EPS8: variants seen among roughly 807,000 people sequenced by gnomAD.
The protein encoded by EPS8 is EGFR pathway substrate 8, signaling adaptor, also known as epidermal growth factor receptor kinase substrate 8.
Under a neutral mutation model 103.8 loss-of-function variants are expected in EPS8, and 42 were observed. The observed-to-expected ratio is 0.40, with a 90% CI of 0.32 to 0.52. The LOEUF (loss-of-function observed/expected upper bound fraction) is 0.52. EPS8 is among the 20% of genes least tolerant of loss of function. EPS8 has a pLI of 0.40. For synonymous variants in EPS8, 344 were observed against 344.6 expected, an observed-to-expected ratio of 1.00 and a Z score of 0.02; for missense variants, 969 against 1,005.1, an observed-to-expected ratio of 0.96 and a Z score of 0.49.
rs181832405 is a variant in EPS8, at chr12:15,774,512, T to C, written c.-22+14649A>G. 6.6e-5 allele frequency among the ~76,000 whole-genome samples: 10 copies of C among 151,156 alleles called. 1 individual carries two copies. The East Asian group carries it at 1.9e-3, about 29-fold the overall frequency. On this transcript the variant is annotated intron_variant, in intron 1 of 20. Coordinates refer to ENST00000281172, the MANE Select transcript of EPS8 (RefSeq NM_004447.6). Reference sequence around the variant, plus strand: ...CTCCCTGTTATCCTGTATTCTACAATGCTCAATAGGCAAGGTAAGGGAAAG... The same window carrying C: ...CTCCCTGTTATCCTGTATTCTACAACGCTCAATAGGCAAGGTAAGGGAAAG...
chr12:15,713,573 C>T lies in EPS8; in HGVS notation c.-21-30601G>A, dbSNP rs1179358229. 1.3e-5 allele frequency among the ~76,000 whole-genome samples: 2 copies of T among 152,132 alleles called. No homozygotes were observed. The highest frequency in any genetic ancestry group is 1.3e-4 in the Admixed American group (2 of 15,260). ...AGGAGAAAGAACAGAAGAAAGTGCT[C>T]CCTCAAGAGAGAAAGCACTCTGCTG... is the stretch of plus-strand genomic sequence containing the variant. On this transcript the variant is annotated intron_variant, in intron 1 of 20. Coordinates refer to ENST00000281172, the MANE Select transcript of EPS8 (RefSeq NM_004447.6). The surrounding 1 kb of genome is among the most constrained non-coding windows in gnomAD (Gnocchi z 4.8).
rs1309379037 is a variant in EPS8 at position 15,721,279 on chromosome 12, GC to G, written c.-21-38308del. Among the ~76,000 whole-genome samples the G allele has an allele frequency of 3.9e-5, 6 of 152,120 alleles. No homozygotes were observed. The highest frequency in any genetic ancestry group is 8.8e-5 in the Non-Finnish European group (6 of 68,026). ...CCATGTCTGTAATATACAGTCATAT[GC>G]CATTCCCCACTCACAAAAATAAACC... On this transcript the variant is annotated intron_variant, in intron 1 of 20. Coordinates refer to ENST00000281172, the MANE Select transcript of EPS8 (RefSeq NM_004447.6). This position sits in a 1 kb window ranked among gnomAD's most constrained non-coding sequence, Gnocchi z 4.4.
At chr12:15,665,715 AAAGT>A (rs1565488303) in intron 8 of EPS8, 37 bp downstream of exon 8, 1 of 1,609,084 alleles carries the variant, frequency 6.2e-7, no homozygotes, top group African/African-American at 1.3e-5. Context: ...GTCCCAACCC[AAAGT>A]AAGTGTTCAA....
At chr12:15,662,902 T>C (rs1489279167) in intron 8 of EPS8, among the ~76,000 whole-genome samples, 1 of 151,480 alleles carries the variant, frequency 6.6e-6, no homozygotes, top group East Asian at 1.9e-4. Context: ...TCGTGACTCA[T>C]GATGTTCAAT....
chr12:15,705,831 T>C (rs1946378918), intron 1 of EPS8, among the ~76,000 whole-genome samples: 1 of 152,174 alleles, frequency 6.6e-6, no homozygotes, highest in South Asian at 2.1e-4. Flanking sequence ...TAGCCAATAT[T>C]ACCCTTTTCG....
Position 15,640,817 on chromosome 12 carries a change from T to C in EPS8, c.1707A>G (p.Lys569=). 5 of 1,613,892 alleles carry C rather than the reference T, an allele frequency of 3.1e-6. No individual in the cohort carries two copies. The highest frequency in any genetic ancestry group is 4.2e-6 in the Non-Finnish European group (5 of 1,179,880). The change falls in exon 17 of 21, where the codon AAA becomes AAG. Residue 569 remains lysine (K), a synonymous_variant. Coordinates refer to ENST00000281172, the MANE Select transcript of EPS8 (RefSeq NM_004447.6). The stretch of plus-strand genomic sequence containing the variant: ...CAGAGTCTCCACTTGCATTTCGAAC[T>C]TTCCACCATTGCTTCCGATCATCAA... ...EILDDRKQWW[K]VRNASGDSGF...
intron 17 of EPS8, among the ~76,000 whole-genome samples, chr12:15,637,822 C>T (rs993290872): frequency 6.6e-6 from 1 of 152,186 alleles, no homozygotes; most frequent in African/African-American, 2.4e-5. Context: ...ATACAGCAAG[C>T]ATGCAGGAAG....
chr12:15,635,186 C>CA lies in EPS8; in HGVS notation c.1822-3523dup, dbSNP rs76761487. On this transcript the variant is annotated intron_variant, in intron 17 of 20. Transcript: ENST00000281172. The stretch of plus-strand genomic sequence containing the variant: ...GTGTGATTGTAATGAGCTTTAGTTT[C>CA]AAACTTTCTAAGCAGCCTGAACATA... Among the ~76,000 whole-genome samples, 217 of 152,196 alleles carry CA rather than the reference C, an allele frequency of 1.4e-3. 1 individual carries two copies. In the East Asian group the frequency reaches 0.039, roughly 27 times the overall value.
chr12:15,719,187 G>GTATATATAAACATACATATATATATA (rs1407709389), intron 1 of EPS8, among the ~76,000 whole-genome samples: 1 of 151,388 alleles, frequency 6.6e-6, no homozygotes. Context: ...TCATATATAT[G>GTATATATAAACATACATATATATATA]TATATATAAA....
intron 14 of EPS8, 108 bp downstream of exon 14, chr12:15,650,715 T>C: frequency 3.2e-6 from 3 of 939,834 alleles, no homozygotes; most frequent in Non-Finnish European, 4.8e-6. Context: ...AGACTTTGAT[T>C]CTAGAACAAT....
At position 15,759,741 on chromosome 12, in the gene EPS8, A is replaced by C. The variant is rs567235186; in HGVS notation, c.-22+29420T>G. 6.6e-6 allele frequency among the ~76,000 whole-genome samples: 1 copy of C among 152,214 alleles called. No individual in the cohort carries two copies. Among genetic ancestry groups the C allele is most frequent in the East Asian group, 1.9e-4 (1 of 5,192 alleles). On this transcript the variant is annotated intron_variant, in intron 1 of 20. Transcript: ENST00000281172. The surrounding 1 kb of genome is among the most constrained non-coding windows in gnomAD (Gnocchi z 4.9). ...CCACTGGGTCAATGAAGAAACTAAG[A>C]AGGAAATTGAAGAATTTCTTGAAAC...
At chr12:15,786,446 T>A (rs1414129114) in intron 1 of EPS8, among the ~76,000 whole-genome samples, 1 of 152,006 alleles carries the variant, frequency 6.6e-6, no homozygotes, top group African/African-American at 2.4e-5. Context: ...TTTAGTGGTG[T>A]CCTGGATGGT....
chr12:15,756,026 C>T (rs1946982903), intron 1 of EPS8, among the ~76,000 whole-genome samples: 1 of 152,168 alleles, frequency 6.6e-6, no homozygotes, highest in Non-Finnish European at 1.5e-5. Flanking sequence ...CACATCTTCC[C>T]TCTGTATAAA....
At chr12:15,627,284 A>C (rs993017087) in intron 18 of EPS8, among the ~76,000 whole-genome samples, 1 of 152,156 alleles carries the variant, frequency 6.6e-6, no homozygotes, top group Non-Finnish European at 1.5e-5. Flanking sequence ...GATTACAGGC[A>C]TGAGCCACCG....
chr12:15,702,886 C>T lies in EPS8; in HGVS notation c.-21-19914G>A, dbSNP rs1222267881. 2.0e-5 allele frequency among the ~76,000 whole-genome samples: 3 copies of T among 152,212 alleles called. No individual in the cohort carries two copies. Among genetic ancestry groups the T allele is most frequent in the African/African-American group, 7.2e-5 (3 of 41,450 alleles). ...TCATTCGAGGCTGGGCGCGGTGGCT[C>T]AGGCCTTTAATCCCAGCACTTTGGG... On this transcript the variant is annotated intron_variant, in intron 1 of 20. Coordinates refer to ENST00000281172, the MANE Select transcript of EPS8 (RefSeq NM_004447.6). This position sits in a 1 kb window ranked among gnomAD's most constrained non-coding sequence, Gnocchi z 5.1.
chr12:15,688,924 T>C lies in EPS8; in HGVS notation c.-21-5952A>G, dbSNP rs1420334208. Among the ~76,000 whole-genome samples the C allele has an allele frequency of 6.6e-6, 1 of 152,114 alleles. No homozygotes were observed. On this transcript the variant is annotated intron_variant, in intron 1 of 20. Transcript: ENST00000281172. This position sits in a 1 kb window ranked among gnomAD's most constrained non-coding sequence, Gnocchi z 5.1. ...CCCACGGGGGCTTCATCTGTAAACATTCACTCCTAGACACTGCTGTGGGAT... is the reference window on the plus strand; with the variant it reads ...CCCACGGGGGCTTCATCTGTAAACACTCACTCCTAGACACTGCTGTGGGAT...
rs184611589 is a variant in EPS8, at chr12:15,759,749, T to C, written c.-22+29412A>G. Among the ~76,000 whole-genome samples the C allele has an allele frequency of 1.3e-5, 2 of 152,104 alleles. No individual in the cohort carries two copies. Among genetic ancestry groups the C allele is most frequent in the East Asian group, 3.9e-4 (2 of 5,180 alleles). The stretch of plus-strand genomic sequence containing the variant: ...TCAATGAAGAAACTAAGAAGGAAAT[T>C]GAAGAATTTCTTGAAACAAATGATA... On this transcript the variant is annotated intron_variant, in intron 1 of 20. Coordinates refer to ENST00000281172, the MANE Select transcript of EPS8 (RefSeq NM_004447.6). The surrounding 1 kb of genome is among the most constrained non-coding windows in gnomAD (Gnocchi z 4.9).
chr12:15,624,546 C>T, intron 18 of EPS8, 139 bp from the exon 19 acceptor site: 1 of 581,234 alleles, frequency 1.7e-6, no homozygotes. Flanking sequence ...CACTTTTATC[C>T]TCGCCTGGTA....
chr12:15,730,467 C>T (rs1946701932), intron 1 of EPS8, among the ~76,000 whole-genome samples: 1 of 152,072 alleles, frequency 6.6e-6, no homozygotes, highest in East Asian at 1.9e-4. Context: ...AAACTGTAAG[C>T]ATGGAGCTAG....
Sources: allele counts gnomAD v4.1 joint callset (sites outside exome capture counted in the v4.1 genomes callset), GRCh38; gene constraint gnomAD v4.1.1; non-coding constraint Gnocchi (gnomAD v3.1); transcripts MANE v1.5; gene names NCBI Gene and HGNC (gene_info 2026-07-23, HGNC 2026-07-21).